SPICE1: variants seen among roughly 807,000 people sequenced by gnomAD.
SPICE1 encodes the protein spindle and centriole-associated protein 1.
Under a neutral mutation model 102.7 loss-of-function variants are expected in SPICE1, and 75 were observed. The ratio of observed to expected loss-of-function variants is 0.73; its 90% CI spans 0.61 to 0.88. The LOEUF is 0.88. Among genes scored for constraint, SPICE1 ranks in the 40% least tolerant of loss-of-function variants. The probability of loss-of-function intolerance (pLI) is 0.00; values close to 1 mark genes in which losing one functional copy is unlikely to be tolerated. For synonymous variants in SPICE1, 308 were observed against 350.3 expected (o/e 0.88, Z 1.35); for missense variants, 979 against 1,020.1 (o/e 0.96, Z 0.55).
At chr3:113,499,194 T>C (rs1936957810) in intron 4 of SPICE1, 1 of 312,428 alleles carries the variant, frequency 3.2e-6, no homozygotes, top group Non-Finnish European at 5.8e-6. Flanking sequence ...ATGAGAAAAT[T>C]CAGGCTGAAA....
At chr3:113,471,928 G>C (rs1443112269) in intron 7 of SPICE1, among the ~76,000 whole-genome samples, 1 of 152,226 alleles carries the variant, frequency 6.6e-6, no homozygotes, top group African/African-American at 2.4e-5. Context: ...GGGAGTGCCA[G>C]ACGGTGAGCG....
At chr3:113,511,474 C>G (rs929916299) in intron 1 of SPICE1, among the ~76,000 whole-genome samples, 1 of 152,122 alleles carries the variant, frequency 6.6e-6, no homozygotes, top group Non-Finnish European at 1.5e-5. Flanking sequence ...ATGGATGGAA[C>G]TGGAAGCCAT....
intron 7 of SPICE1, among the ~76,000 whole-genome samples, 162 bp from the exon 8 acceptor site, chr3:113,469,400 G>T: frequency 7.3e-6 from 1 of 137,482 alleles, no homozygotes; most frequent in African/African-American, 2.7e-5. Context: ...ATATAAATAT[G>T]CATATAAATT....
chr3:113,494,385 C>T (rs145681497), intron 4 of SPICE1, among the ~76,000 whole-genome samples: 3,858 of 152,246 alleles, frequency 0.025, 83 homozygotes, highest in Non-Finnish European at 0.039. Flanking sequence ...CGGTGGCTCA[C>T]GCCTGTAATC....
intron 7 of SPICE1, among the ~76,000 whole-genome samples, chr3:113,470,067 T>C (rs1936159724): frequency 6.6e-6 from 1 of 152,230 alleles, no homozygotes; most frequent in Non-Finnish European, 1.5e-5. Context: ...CGTTATGCTA[T>C]AAACACTTTT....
In SPICE1 at chr3:113,469,239, C is replaced by G. The variant is rs148179257; in HGVS notation, c.612-1G>C. On this transcript the variant is annotated splice_acceptor_variant, in intron 7 of 17. Transcript: ENST00000295872. LOFTEE classifies it high-confidence loss of function. The stretch of plus-strand genomic sequence containing the variant: ...CTCTTCTGTTAGTTGTTGGAGAAAC[C>G]TATAAATTACAGGACAATAAGCTAC... 7 of 1,540,106 alleles carry G rather than the reference C, an allele frequency of 4.5e-6. No individual in the cohort carries two copies. The African/African-American group carries it at 8.2e-5, about 18-fold the overall frequency.
intron 7 of SPICE1, among the ~76,000 whole-genome samples, chr3:113,472,277 C>T (rs1046136600): frequency 8.5e-5 from 13 of 152,222 alleles, no homozygotes; most frequent in Admixed American, 7.2e-4. Context: ...ACAAAGCAGC[C>T]GGGAAGTTCC....
At chr3:113,454,235 T>C (rs988945518) in intron 13 of SPICE1, among the ~76,000 whole-genome samples, 1 of 152,116 alleles carries the variant, frequency 6.6e-6, no homozygotes, top group Non-Finnish European at 1.5e-5. Context: ...TCTGGGAATC[T>C]TGGGGAATGA....
intron 15 of SPICE1, chr3:113,449,311 GCACATAGTACA>G (rs1256458625): frequency 8.2e-6 from 1 of 121,226 alleles, no homozygotes; most frequent in East Asian, 2.4e-4. Context: ...GTACATGTTC[GCACATAGTACA>G]TGTTCGCACA....
chr3:113,475,540 A>C (rs1374390812), intron 7 of SPICE1, among the ~76,000 whole-genome samples: 2 of 152,010 alleles, frequency 1.3e-5, no homozygotes, highest in Non-Finnish European at 2.9e-5. Flanking sequence ...CCTCAATAAA[A>C]TACTGGCAAA....
At position 113,480,932 on chromosome 3, in the gene SPICE1, A is replaced by AAAG. The variant is rs750705808; in HGVS notation, c.611+8010_611+8012dup. 8.0e-5 allele frequency among the ~76,000 whole-genome samples: 5 copies of AAAG among 62,616 alleles called. 1 individual carries two copies. In the South Asian group the frequency reaches 1.1e-3, roughly 14 times the overall value. 41.1% of individuals were successfully genotyped at this position (62,616 alleles called of 152,430 possible). A position where few individuals can be genotyped will look rare whatever the true frequency, so the allele number is the denominator to read the frequency against. The stretch of plus-strand genomic sequence containing the variant: ...AAATTTAAAGAAAGAAAGAAAGAAA[A>AAAG]AAGACCTCAGTACTAAAGCCAATAC... On this transcript the variant is annotated intron_variant, in intron 7 of 17. Transcript: ENST00000295872.
intron 7 of SPICE1, among the ~76,000 whole-genome samples, chr3:113,474,328 C>A (rs1019326036): frequency 2.6e-5 from 4 of 152,078 alleles, no homozygotes; most frequent in South Asian, 2.1e-4. Flanking sequence ...ACTCCCACAC[C>A]TTAATAATGG....
chr3:113,455,501 T>C (rs779784457), intron 13 of SPICE1, among the ~76,000 whole-genome samples: 37 of 152,364 alleles, frequency 2.4e-4, no homozygotes, highest in Non-Finnish European at 3.7e-4. Context: ...AGGTGCTCAC[T>C]AGCCCCATGC....
intron 7 of SPICE1, among the ~76,000 whole-genome samples, chr3:113,473,554 C>A (rs1936260616): frequency 1.3e-5 from 2 of 152,108 alleles, no homozygotes; most frequent in Non-Finnish European, 2.9e-5. Context: ...GGGTTACTGA[C>A]AAAGGGAAGA....
chr3:113,471,647 G>C (rs1465095153), intron 7 of SPICE1, among the ~76,000 whole-genome samples: 1 of 152,098 alleles, frequency 6.6e-6, no homozygotes, highest in Non-Finnish European at 1.5e-5. Context: ...AACAAAAACG[G>C]GATACGCATG....
intron 7 of SPICE1, among the ~76,000 whole-genome samples, chr3:113,476,890 C>T (rs907451821): frequency 6.6e-6 from 1 of 152,082 alleles, no homozygotes; most frequent in African/African-American, 2.4e-5. Context: ...GACTTCATGT[C>T]TAAAACACCA....
intron 11 of SPICE1, 151 bp downstream of exon 11, chr3:113,465,502 G>A (rs879913270): frequency 4.7e-6 from 3 of 644,402 alleles, no homozygotes; most frequent in Non-Finnish European, 7.8e-6. Context: ...TGTAATAAAT[G>A]TTCAATAATA....
chr3:113,447,576 G>A (rs1435247070), intron 16 of SPICE1, among the ~76,000 whole-genome samples: 3 of 152,118 alleles, frequency 2.0e-5, no homozygotes, highest in African/African-American at 7.2e-5. Flanking sequence ...AGAGTAACAC[G>A]ACCTGGAACA....
chr3:113,474,230 G>C (rs992207632), intron 7 of SPICE1, among the ~76,000 whole-genome samples: 2 of 151,916 alleles, frequency 1.3e-5, no homozygotes, highest in African/African-American at 2.4e-5. Flanking sequence ...TCAACAAGAA[G>C]AGCTAACTAT....
Sources: gnomAD v4.1 joint callset for allele counts (sites outside exome capture counted in the v4.1 genomes callset) on GRCh38, gnomAD v4.1.1 for gene constraint, MANE v1.5 for transcripts, NCBI Gene and HGNC (gene_info 2026-07-23, HGNC 2026-07-21) for gene names.